The following CPLX2 variants were observed in gnomAD, a reference collection of about 807,000 sequenced individuals.
CPLX2 encodes the protein complexin-2.
A neutral mutation model predicts 16.3 loss-of-function variants in CPLX2; 5 were observed. That is an observed-to-expected ratio of 0.31 (90% CI 0.16 to 0.64). The LOEUF (loss-of-function observed/expected upper bound fraction) is 0.64. Among genes scored for constraint, CPLX2 ranks in the 30% least tolerant of loss-of-function variants. CPLX2 has a pLI of 0.79. For missense variants in CPLX2, 144 were observed against 181.4 expected, an observed-to-expected ratio of 0.79 and a Z score of 1.18; for synonymous variants, 89 against 73.2, an observed-to-expected ratio of 1.22 and a Z score of -1.10.
intron 2 of CPLX2, among the ~76,000 whole-genome samples, chr5:175,848,661 G>T (rs1265755417): frequency 2.0e-5 from 3 of 152,192 alleles, no homozygotes; most frequent in Admixed American, 2.0e-4. Context: ...AATGAATAAA[G>T]ATAATTCCAG....
intron 2 of CPLX2, among the ~76,000 whole-genome samples, chr5:175,848,619 T>G (rs1166511705): frequency 6.6e-6 from 1 of 152,128 alleles, no homozygotes; most frequent in African/African-American, 2.4e-5. Flanking sequence ...AGAAAAGTCA[T>G]TCTAGTTGAG....
At chr5:175,862,117 A>C (rs911239684) in intron 2 of CPLX2, among the ~76,000 whole-genome samples, 8 of 152,226 alleles carry the variant, frequency 5.3e-5, no homozygotes, top group Non-Finnish European at 7.3e-5. Flanking sequence ...TCCTACTAGA[A>C]GAGACAGAAA....
upstream of CPLX2, among the ~76,000 whole-genome samples, chr5:175,871,095 G>A (rs918173205): frequency 1.2e-4 from 19 of 152,056 alleles, no homozygotes; most frequent in Non-Finnish European, 1.8e-4. Context: ...CAACCACTCT[G>A]CCTGGAGAAA....
At position 175,872,681 on chromosome 5, in the gene CPLX2, C is replaced by G. The variant is rs1393114602; in HGVS notation, c.-89+976C>G. On this transcript the variant is annotated intron_variant, in intron 1 of 3. Coordinates refer to ENST00000393745, the MANE Select transcript of CPLX2 (RefSeq NM_001008220.2). This position sits in a 1 kb window ranked among gnomAD's most constrained non-coding sequence, Gnocchi z 5.0. ...CCCCTCCCCCATGCGTCTCCCATCCCGGGCCACGGGGTGGGGACGGGGCGG... is the reference window on the plus strand; with the variant it reads ...CCCCTCCCCCATGCGTCTCCCATCCGGGGCCACGGGGTGGGGACGGGGCGG... 1 of 152,164 alleles carries G rather than the reference C, an allele frequency of 6.6e-6. No individual in the cohort carries two copies. The highest frequency in any genetic ancestry group is 6.5e-5 in the Admixed American group (1 of 15,284). The allele number at this position is 152,164 out of a possible 1,614,324, so 9.4% of individuals were successfully genotyped here.
intron 1 of CPLX2, among the ~76,000 whole-genome samples, chr5:175,798,349 TG>T (rs1758031413): frequency 1.3e-5 from 2 of 152,318 alleles, no homozygotes; most frequent in South Asian, 4.1e-4. Context: ...AAACTTGTAC[TG>T]GGGACCTGTT....
At chr5:175,827,775 A>G (rs1017216321) in intron 2 of CPLX2, among the ~76,000 whole-genome samples, 1 of 152,098 alleles carries the variant, frequency 6.6e-6, no homozygotes, top group Non-Finnish European at 1.5e-5. Flanking sequence ...AAATAAATAA[A>G]TAAAGTCCAA....
Position 175,809,008 on chromosome 5 carries a change from T to C in CPLX2, c.-149T>C, listed in dbSNP as rs1447255156. ...CTCCAGGAAGGTGTGGTCCCTGCCA[T>C]GCTATCTGCTCTGCTCAGCGACTGA... On this transcript the variant is annotated 5_prime_UTR_variant, in exon 2 of 5. Transcript: ENST00000359546. The surrounding 1 kb of genome is among the most constrained non-coding windows in gnomAD (Gnocchi z 4.4). The C allele has an allele frequency of 2.0e-5, 3 of 152,520 alleles. No homozygotes were observed. The highest frequency in any genetic ancestry group is 2.1e-4 in the South Asian group (1 of 4,842). 9.4% of individuals were successfully genotyped at this position (152,520 alleles called of 1,614,324 possible). A position where few individuals can be genotyped will look rare whatever the true frequency, so the allele number is the denominator to read the frequency against.
At chr5:175,818,564 G>A (rs920234029) in intron 2 of CPLX2, among the ~76,000 whole-genome samples, 2 of 150,592 alleles carry the variant, frequency 1.3e-5, no homozygotes, top group African/African-American at 4.9e-5. Context: ...TCCCCAGCTC[G>A]AGACACAGAA....
rs1390185364 is a variant in CPLX2 at position 175,845,899 on chromosome 5, G to A, written c.-88-32753G>A. ...TGGGCCTGGGTCCCAGGAAAGGGGA[G>A]TCATTTGTGTTCCTCCTGGCTTCCA... is the stretch of plus-strand genomic sequence containing the variant. On this transcript the variant is annotated intron_variant, in intron 2 of 4. Transcript: ENST00000359546. The surrounding 1 kb of genome is among the most constrained non-coding windows in gnomAD (Gnocchi z 4.0). 6.6e-6 allele frequency among the ~76,000 whole-genome samples: 1 copy of A among 152,154 alleles called. No individual in the cohort carries two copies. The highest frequency in any genetic ancestry group is 1.5e-5 in the Non-Finnish European group (1 of 68,016).
At chr5:175,871,435 G>GAGAGAGAGAGAGAGAA (rs1287160261), upstream of CPLX2, 210 of 52,860 alleles carry the variant, frequency 4.0e-3, 20 homozygotes, top group African/African-American at 0.013. Context: ...GAGAGAGACA[G>GAGAGAGAGAGAGAGAA]AGAGAGAGAG....
chr5:175,813,849 A>G (rs1758357429), intron 2 of CPLX2, among the ~76,000 whole-genome samples: 1 of 152,228 alleles, frequency 6.6e-6, no homozygotes, highest in Admixed American at 6.5e-5. Context: ...TTTCCTTTCC[A>G]AGGAAGAGGC....
chr5:175,876,413 G>A (rs951184598), intron 1 of CPLX2, among the ~76,000 whole-genome samples: 10 of 152,132 alleles, frequency 6.6e-5, no homozygotes, highest in Non-Finnish European at 1.5e-4. Context: ...GAAGAGACAG[G>A]AGGAAGAAGA....
chr5:175,809,019 C>T lies in CPLX2; in HGVS notation c.-138C>T, dbSNP rs1281745864. 1 of 152,540 alleles carries T rather than the reference C, an allele frequency of 6.6e-6. No homozygotes were observed. The highest frequency in any genetic ancestry group is 1.5e-5 in the Non-Finnish European group (1 of 68,280). The allele number at this position is 152,540 out of a possible 1,614,324, so 9.4% of individuals were successfully genotyped here. ...TGTGGTCCCTGCCATGCTATCTGCT[C>T]TGCTCAGCGACTGAAGGTGCCCGCA... On this transcript the variant is annotated 5_prime_UTR_variant, in exon 2 of 5. Transcript: ENST00000359546. This position sits in a 1 kb window ranked among gnomAD's most constrained non-coding sequence, Gnocchi z 4.4.
At chr5:175,813,757 G>A (rs1758355539) in intron 2 of CPLX2, among the ~76,000 whole-genome samples, 1 of 152,244 alleles carries the variant, frequency 6.6e-6, no homozygotes, top group Non-Finnish European at 1.5e-5. Flanking sequence ...AAATAGCACT[G>A]GGAGAGAATG....
At position 175,815,950 on chromosome 5, in the gene CPLX2, GC is replaced by G. The variant is rs1581072089; in HGVS notation, c.-89+6884del. On this transcript the variant is annotated intron_variant, in intron 2 of 4. Coordinates refer to the CPLX2 transcript ENST00000359546. ...AAGGGCTGTGGCATTGATGGAAGGG[GC>G]CTATAGGGACTGCAGGTCTCAAGGT... Among the ~76,000 whole-genome samples the G allele has an allele frequency of 2.0e-5, 3 of 152,326 alleles. No individual in the cohort carries two copies. The East Asian group carries it at 5.8e-4, about 29-fold the overall frequency.
intron 2 of CPLX2, among the ~76,000 whole-genome samples, chr5:175,819,055 A>G (rs995107207): frequency 6.6e-6 from 1 of 152,062 alleles, no homozygotes; most frequent in African/African-American, 2.4e-5. Flanking sequence ...GACGTTGGAG[A>G]GTCTCTTGAG....
rs779294076 is a variant in CPLX2, at chr5:175,845,062, A to G, written c.-88-33590A>G. ...AAGGGGAAGCCCCAGGCAGGCCCAG[A>G]TGGTGACCCAAGAGAGCCTTCCGTG... On this transcript the variant is annotated intron_variant, in intron 2 of 4. Coordinates refer to the CPLX2 transcript ENST00000359546. The surrounding 1 kb of genome is among the most constrained non-coding windows in gnomAD (Gnocchi z 4.0). Among the ~76,000 whole-genome samples the G allele has an allele frequency of 3.3e-5, 5 of 152,210 alleles. No homozygotes were observed. The highest frequency in any genetic ancestry group is 5.9e-5 in the Non-Finnish European group (4 of 68,040).
At position 175,872,314 on chromosome 5, in the gene CPLX2, A is replaced by G. The variant is rs1256230764; in HGVS notation, c.-89+609A>G. The G allele has an allele frequency of 6.6e-6, 1 of 152,376 alleles. No individual in the cohort carries two copies. The highest frequency in any genetic ancestry group is 1.9e-4 in the East Asian group (1 of 5,170). The allele number at this position is 152,376 out of a possible 1,614,324, so 9.4% of individuals were successfully genotyped here. On this transcript the variant is annotated intron_variant, in intron 1 of 3. Transcript: ENST00000393745. This position sits in a 1 kb window ranked among gnomAD's most constrained non-coding sequence, Gnocchi z 5.0. ...GGACTATTTGTCCCTTTCCGGGAGG[A>G]GCCGCCGCTTGGACAGCGCACGCCC... is the stretch of plus-strand genomic sequence containing the variant.
chr5:175,875,469 G>A (rs1259842644), intron 1 of CPLX2, among the ~76,000 whole-genome samples: 2 of 152,330 alleles, frequency 1.3e-5, no homozygotes, highest in East Asian at 3.9e-4. Context: ...CACCCAGCAT[G>A]TGCAAACACA....
Sources: gnomAD v4.1 joint callset for allele counts (sites outside exome capture counted in the v4.1 genomes callset) on GRCh38, gnomAD v4.1.1 for gene constraint, Gnocchi (gnomAD v3.1) non-coding constraint, MANE v1.5 for transcripts, NCBI Gene and HGNC (gene_info 2026-07-23, HGNC 2026-07-21) for gene names.